Variants in CDKAL1 observed in about 807,000 individuals in gnomAD.
CDKAL1 encodes the protein CDKAL1 threonylcarbamoyladenosine tRNA methylthiotransferase, also known as threonylcarbamoyladenosine tRNA methylthiotransferase.
CDKAL1 carries 32 observed loss-of-function variants against 68.2 expected under a neutral mutation model. The observed-to-expected ratio is 0.47, with a 90% CI of 0.35 to 0.63. The LOEUF is 0.63. CDKAL1 is among the 30% of genes least tolerant of loss of function. The pLI is 0.00. For missense variants in CDKAL1, 606 were observed against 696.7 expected (o/e 0.87, Z 1.47); for synonymous variants, 234 against 244.3 (o/e 0.96, Z 0.39).
intron 8 of CDKAL1, among the ~76,000 whole-genome samples, chr6:20,828,883 C>G (rs1362105422): frequency 6.6e-6 from 1 of 152,162 alleles, no homozygotes; most frequent in Admixed American, 6.6e-5. Context: ...CCATTCTACT[C>G]TCTGTCTCTA....
intron 8 of CDKAL1, among the ~76,000 whole-genome samples, chr6:20,821,194 G>T (rs1236503884): frequency 6.6e-6 from 1 of 152,086 alleles, no homozygotes; most frequent in East Asian, 1.9e-4. Context: ...AATGGGAGTT[G>T]GCATGAGCAG....
chr6:21,027,084 C>T (rs559308705), intron 11 of CDKAL1, among the ~76,000 whole-genome samples: 1 of 152,204 alleles, frequency 6.6e-6, no homozygotes, highest in South Asian at 2.1e-4. Context: ...CACTCATCTC[C>T]CAGCCATAAC....
At chr6:20,885,892 G>C (rs942902642) in intron 9 of CDKAL1, among the ~76,000 whole-genome samples, 1 of 152,042 alleles carries the variant, frequency 6.6e-6, no homozygotes, top group Non-Finnish European at 1.5e-5. Flanking sequence ...AGACCAGCTT[G>C]GCCAATATGG....
intron 9 of CDKAL1, among the ~76,000 whole-genome samples, chr6:20,855,614 A>G (rs1354263258): frequency 6.6e-6 from 1 of 152,150 alleles, no homozygotes; most frequent in African/African-American, 2.4e-5. Context: ...GACTCCTGTT[A>G]TAGAGGCTAA....
chr6:21,085,366 A>G (rs767868354), intron 12 of CDKAL1, among the ~76,000 whole-genome samples: 2 of 152,198 alleles, frequency 1.3e-5, no homozygotes, highest in Admixed American at 6.5e-5. Flanking sequence ...GTAGGACACT[A>G]CATCTCAAGA....
Position 21,186,758 on chromosome 6 carries a change from G to GT in CDKAL1, c.1300-11253dup, listed in dbSNP as rs909846634. Among the ~76,000 whole-genome samples the GT allele has an allele frequency of 1.2e-3, 185 of 148,828 alleles. 2 individuals are homozygous for GT. Among genetic ancestry groups the GT allele is most frequent in the East Asian group, 7.8e-4 (4 of 5,120 alleles). The stretch of plus-strand genomic sequence containing the variant: ...TTACCACAGTTAAGAGTGTGGTGAG[G>GT]TTTTTTTTTTAATTTTTTTGAAAAA... On this transcript the variant is annotated intron_variant, in intron 13 of 15. Coordinates refer to ENST00000274695, the MANE Select transcript of CDKAL1 (RefSeq NM_017774.3).
rs372123460 is a variant in CDKAL1, at chr6:20,568,753, A to ACC, written c.286+20048_286+20049insCC. ...CCGCCTCAAAAAAAAAAAAAAAACA[A>ACC]AAAAACAAAAAAACAAAGAAATGTG... On this transcript the variant is annotated intron_variant, in intron 4 of 15. Coordinates refer to ENST00000274695, the MANE Select transcript of CDKAL1 (RefSeq NM_017774.3). Among the ~76,000 whole-genome samples the ACC allele has an allele frequency of 6.4e-3, 814 of 127,498 alleles. 28 individuals are homozygous for ACC. Among genetic ancestry groups the ACC allele is most frequent in the Middle Eastern group, 0.017 (4 of 230 alleles). 83.6% of individuals were successfully genotyped at this position (127,498 alleles called of 152,430 possible).
At chr6:20,986,603 C>G (rs370911173) in intron 10 of CDKAL1, among the ~76,000 whole-genome samples, 17 of 150,806 alleles carry the variant, frequency 1.1e-4, no homozygotes, top group Admixed American at 5.3e-4. Flanking sequence ...GTACAATTCT[C>G]TCTTTAGAAG....
chr6:20,552,402 AC>A (rs560000737), intron 4 of CDKAL1, among the ~76,000 whole-genome samples: 1 of 151,894 alleles, frequency 6.6e-6, no homozygotes, highest in South Asian at 2.1e-4. Context: ...TCAGATATTG[AC>A]TTTTTCTATG....
intron 13 of CDKAL1, among the ~76,000 whole-genome samples, chr6:21,169,928 C>T (rs1777311622): frequency 7.5e-6 from 1 of 133,604 alleles, no homozygotes; most frequent in Admixed American, 8.2e-5. Flanking sequence ...AAGACCCCCC[C>T]CACCCCATGA....
intron 5 of CDKAL1, among the ~76,000 whole-genome samples, chr6:20,698,262 C>T (rs779406452): frequency 1.3e-5 from 2 of 152,166 alleles, no homozygotes; most frequent in Non-Finnish European, 2.9e-5. Context: ...TAATCTTCAA[C>T]TTACAGAAAA....
intron 8 of CDKAL1, among the ~76,000 whole-genome samples, chr6:20,833,715 G>A (rs1326970976): frequency 6.6e-6 from 1 of 152,172 alleles, no homozygotes; most frequent in African/African-American, 2.4e-5. Flanking sequence ...TTGGTAGGAA[G>A]TTAATTTCTT....
At chr6:21,108,332 TA>T in intron 12 of CDKAL1, 68 bp from the exon 13 acceptor site, 1 of 1,022,000 alleles carries the variant, frequency 9.8e-7, no homozygotes, top group Non-Finnish European at 1.5e-6. Context: ...CACACATGTA[TA>T]TTTTTTATCT....
intron 13 of CDKAL1, among the ~76,000 whole-genome samples, chr6:21,110,007 A>C (rs1774043079): frequency 6.6e-6 from 1 of 152,200 alleles, no homozygotes; most frequent in Non-Finnish European, 1.5e-5. Context: ...GCATTGTATC[A>C]AAGTCACCTC....
At chr6:20,763,483 A>T (rs1774558482) in intron 7 of CDKAL1, among the ~76,000 whole-genome samples, 1 of 152,168 alleles carries the variant, frequency 6.6e-6, no homozygotes, top group African/African-American at 2.4e-5. Flanking sequence ...ACCCTGATTG[A>T]TAAGAAGTTA....
At chr6:20,984,054 T>C (rs566716469) in intron 10 of CDKAL1, among the ~76,000 whole-genome samples, 1 of 152,294 alleles carries the variant, frequency 6.6e-6, no homozygotes, top group African/African-American at 2.4e-5. Flanking sequence ...AAATCTAAGA[T>C]CGCGTGAAGT....
At chr6:20,617,904 A>C (rs895876891) in intron 4 of CDKAL1, among the ~76,000 whole-genome samples, 8 of 152,204 alleles carry the variant, frequency 5.3e-5, no homozygotes, top group Admixed American at 3.9e-4. Context: ...TTATAGCAGT[A>C]TGATTTATAA....
chr6:21,190,713 A>C (rs887765368), intron 13 of CDKAL1, among the ~76,000 whole-genome samples: 1 of 152,192 alleles, frequency 6.6e-6, no homozygotes, highest in Non-Finnish European at 1.5e-5. Context: ...GGACAGAAAA[A>C]ATAATTGTCA....
intron 8 of CDKAL1, among the ~76,000 whole-genome samples, chr6:20,818,754 T>C (rs1004466114): frequency 1.5e-4 from 22 of 151,054 alleles, no homozygotes; most frequent in African/African-American, 3.4e-4. Flanking sequence ...ATTATATATA[T>C]ACACACACTA....
Sources: allele counts gnomAD v4.1 joint callset (sites outside exome capture counted in the v4.1 genomes callset), GRCh38; gene constraint gnomAD v4.1.1; transcripts MANE v1.5; gene names NCBI Gene and HGNC (gene_info 2026-07-23, HGNC 2026-07-21).